EPHA6: variants seen among roughly 807,000 people sequenced by gnomAD.
EPHA6 encodes ephrin type-A receptor 6.
EPHA6 carries 50 observed loss-of-function variants against 112.0 expected under a neutral mutation model. The ratio of observed to expected loss-of-function variants is 0.45; its 90% CI spans 0.36 to 0.56. EPHA6 has a LOEUF of 0.56. EPHA6 is among the 20% of genes least tolerant of loss of function. The pLI is 0.00. For synonymous variants in EPHA6, 529 were observed against 490.7 expected (o/e 1.08, Z -1.03); for missense variants, 1,280 against 1,417.4 (o/e 0.90, Z 1.56).
intron 13 of EPHA6, among the ~76,000 whole-genome samples, chr3:97,613,839 T>A (rs984608383): frequency 1.3e-5 from 2 of 152,204 alleles, no homozygotes; most frequent in African/African-American, 4.8e-5. Flanking sequence ...AGGTTACACT[T>A]AATTCACACT....
At chr3:96,963,510 C>T (rs1352215472) in intron 2 of EPHA6, among the ~76,000 whole-genome samples, 2 of 152,138 alleles carry the variant, frequency 1.3e-5, no homozygotes, top group Non-Finnish European at 2.9e-5. Flanking sequence ...GAGAAATTCT[C>T]TATAAATGTA....
Position 97,244,005 on chromosome 3 carries a change from A to G in EPHA6, c.1324A>G (p.Ile442Val). 6.2e-7 allele frequency: 1 copy of G among 1,612,298 alleles called. No homozygotes were observed. Reference sequence around the variant, plus strand: ...TTTTAACATCAATGAAACAGCCCTTATTTTGGAATGGAGCCCACCAAGTGA... The same window carrying G: ...TTTTAACATCAATGAAACAGCCCTTGTTTTGGAATGGAGCCCACCAAGTGA... ...VVFNINETALILEWSPPSDTG... is the reference protein window; with the variant it reads ...VVFNINETALVLEWSPPSDTG... Residue 442 changes from isoleucine (I) to valine (V), a missense_variant, in exon 5 of 18, where the codon ATT becomes GTT. Physicochemically the swap from Ile to Val is conservative, Grantham distance 29 (BLOSUM62 3). This residue lies in a region of EPHA6 where 878 missense variants were observed against 999.7 expected (regional missense o/e 0.88). Transcript: ENST00000389672.
chr3:96,911,766 T>G (rs2107603743), intron 2 of EPHA6, among the ~76,000 whole-genome samples: 1 of 152,240 alleles, frequency 6.6e-6, no homozygotes, highest in Non-Finnish European at 1.5e-5. Context: ...TGATTGGCTC[T>G]CTGTATAACT....
At chr3:97,238,427 C>T (rs2078743519) in intron 4 of EPHA6, among the ~76,000 whole-genome samples, 2 of 151,906 alleles carry the variant, frequency 1.3e-5, no homozygotes, top group African/African-American at 4.8e-5. Flanking sequence ...CAAAACTATG[C>T]ATTGCATTCA....
chr3:97,225,261 G>A, intron 3 of EPHA6, among the ~76,000 whole-genome samples: 1 of 151,892 alleles, frequency 6.6e-6, no homozygotes, highest in Non-Finnish European at 1.5e-5. Context: ...GGCAATTTTG[G>A]GCTAATTATT....
chr3:97,198,995 G>A (rs1448061298), intron 3 of EPHA6, among the ~76,000 whole-genome samples: 2 of 151,980 alleles, frequency 1.3e-5, no homozygotes, highest in South Asian at 4.1e-4. Flanking sequence ...TTTTATTTTT[G>A]AAATTAGTTT....
chr3:97,405,199 C>A lies in EPHA6; in HGVS notation c.1656C>A (p.Ser552Arg), dbSNP rs866139800. ...VVRKDWASQN[S>R]IALSWQAPAF... ...GGAAGGACTGGGCATCCCAAAATAG[C>A]ATTGCCCTATCATGGCAAGCACCTG... The change falls in exon 6 of 18, where the codon AGC (serine) becomes AGA (arginine). Residue 552 changes from serine (S) to arginine (R), a missense_variant. By Grantham distance (110) the Ser-to-Arg change is moderately radical. Transcript: ENST00000389672. The A allele has an allele frequency of 3.1e-6, 5 of 1,607,692 alleles. No individual in the cohort carries two copies. The highest frequency in any genetic ancestry group is 4.2e-6 in the Non-Finnish European group (5 of 1,176,548).
At chr3:97,417,910 G>A (rs2088263823) in intron 6 of EPHA6, among the ~76,000 whole-genome samples, 1 of 151,984 alleles carries the variant, frequency 6.6e-6, no homozygotes, top group South Asian at 2.1e-4. Context: ...TTATGATCAG[G>A]CAATAATAAC....
intron 5 of EPHA6, among the ~76,000 whole-genome samples, chr3:97,297,546 A>G (rs1489947048): frequency 6.6e-6 from 1 of 152,138 alleles, no homozygotes; most frequent in Non-Finnish European, 1.5e-5. Flanking sequence ...CTTTACAACA[A>G]TCCGTGTAGT....
intron 4 of EPHA6, among the ~76,000 whole-genome samples, chr3:97,230,182 G>A (rs987094895): frequency 9.9e-5 from 15 of 152,010 alleles, no homozygotes; most frequent in African/African-American, 3.6e-4. Context: ...TATTTTCTTA[G>A]GAGGCTATAA....
At chr3:97,398,690 G>A (rs115194448) in intron 5 of EPHA6, among the ~76,000 whole-genome samples, 1,781 of 151,360 alleles carry the variant, frequency 0.012, 35 homozygotes, top group African/African-American at 0.04. Context: ...GTGTTCTTTG[G>A]TTACCCAAGA....
At chr3:97,147,689 A>G (rs1576572839) in intron 3 of EPHA6, among the ~76,000 whole-genome samples, 1 of 152,138 alleles carries the variant, frequency 6.6e-6, no homozygotes, top group African/African-American at 2.4e-5. Flanking sequence ...GGTAGTATTA[A>G]AAAGCAAATT....
intron 5 of EPHA6, among the ~76,000 whole-genome samples, chr3:97,403,821 A>G (rs1009573951): frequency 2.0e-5 from 3 of 152,200 alleles, no homozygotes; most frequent in Non-Finnish European, 4.4e-5. Flanking sequence ...ATATTCATAG[A>G]TGTCCAGTTT....
At chr3:96,817,521 T>TATA in intron 1 of EPHA6, among the ~76,000 whole-genome samples, 1 of 152,042 alleles carries the variant, frequency 6.6e-6, no homozygotes, top group African/African-American at 2.4e-5. Context: ...ATATAATTCA[T>TATA]ATTTAGTATT....
intron 2 of EPHA6, among the ~76,000 whole-genome samples, chr3:96,925,902 A>C (rs2040014155): frequency 6.6e-6 from 1 of 152,032 alleles, no homozygotes; most frequent in Non-Finnish European, 1.5e-5. Flanking sequence ...CATCGTGCCC[A>C]GCCAATTTCT....
At chr3:97,278,166 G>T (rs561712606) in intron 5 of EPHA6, among the ~76,000 whole-genome samples, 1 of 152,188 alleles carries the variant, frequency 6.6e-6, no homozygotes, top group East Asian at 1.9e-4. Context: ...CTCTGATTTT[G>T]ATTTCTCATA....
At chr3:97,303,750 TA>T (rs1284319433) in intron 5 of EPHA6, among the ~76,000 whole-genome samples, 6 of 152,002 alleles carry the variant, frequency 3.9e-5, no homozygotes, top group African/African-American at 1.4e-4. Context: ...GGGAGCCATT[TA>T]AAAAAATAAA....
At chr3:97,372,201 A>G (rs1189829374) in intron 5 of EPHA6, among the ~76,000 whole-genome samples, 1 of 152,016 alleles carries the variant, frequency 6.6e-6, no homozygotes, top group Non-Finnish European at 1.5e-5. Flanking sequence ...ACCTGCCAAC[A>G]TGTGATGTCT....
rs974281431 is a variant in EPHA6, at chr3:97,333,476, T to C, written c.1607-71674T>C. Among the ~76,000 whole-genome samples the C allele has an allele frequency of 7.1e-5, 10 of 141,186 alleles. No individual in the cohort carries two copies. The South Asian group carries it at 9.2e-4, about 13-fold the overall frequency. 92.6% of individuals were successfully genotyped at this position (141,186 alleles called of 152,430 possible). A position where few individuals can be genotyped will look rare whatever the true frequency, so the allele number is the denominator to read the frequency against. On this transcript the variant is annotated intron_variant, in intron 5 of 17. Transcript: ENST00000389672. ...CACTCTGTATGGCTTTTCTTTTTTT[T>C]TTTTTTTTTTTTTTTGAGACAGTGT...
Sources: gnomAD v4.1 joint callset for allele counts (sites outside exome capture counted in the v4.1 genomes callset) on GRCh38, gnomAD v4.1.1 for gene constraint, gnomAD v4.1.1 regional missense constraint, MANE v1.5 for transcripts, NCBI Gene and HGNC (gene_info 2026-07-23, HGNC 2026-07-21) for gene names.